MAGI3: variants seen among roughly 807,000 people sequenced by gnomAD.
The protein encoded by MAGI3 is membrane-associated guanylate kinase, WW and PDZ domain-containing protein 3.
MAGI3 carries 43 observed loss-of-function variants against 121.8 expected under a neutral mutation model. The ratio of observed to expected loss-of-function variants is 0.35; its 90% confidence interval spans 0.28 to 0.46. The LOEUF (loss-of-function observed/expected upper bound fraction) is 0.46. MAGI3 is among the 20% of genes least tolerant of loss of function. The pLI is 1.00. For missense variants in MAGI3, 1,547 were observed against 1,797.3 expected (o/e 0.86, Z 2.52); for synonymous variants, 553 against 639.3 (o/e 0.86, Z 2.04).
At chr1:113,447,056 A>G (rs902915203) in intron 1 of MAGI3, among the ~76,000 whole-genome samples, 2 of 152,188 alleles carry the variant, frequency 1.3e-5, no homozygotes, top group Non-Finnish European at 2.9e-5. Flanking sequence ...TGGTGTAATA[A>G]AAATGTTTTG....
At chr1:113,538,041 A>G (rs1424885690) in intron 1 of MAGI3, among the ~76,000 whole-genome samples, 2 of 152,244 alleles carry the variant, frequency 1.3e-5, no homozygotes, top group Non-Finnish European at 2.9e-5. Context: ...GGGTCAGTAT[A>G]TATTTTTAAA....
At chr1:113,481,306 G>A (rs766859799) in intron 1 of MAGI3, among the ~76,000 whole-genome samples, 15 of 152,214 alleles carry the variant, frequency 9.9e-5, no homozygotes, top group Non-Finnish European at 1.8e-4. Flanking sequence ...AGTTAGGTCC[G>A]CCTTTGTAGT....
chr1:113,517,307 A>G (rs1484864957), intron 1 of MAGI3, among the ~76,000 whole-genome samples: 1 of 151,946 alleles, frequency 6.6e-6, no homozygotes, highest in African/African-American at 2.4e-5. Flanking sequence ...TAAATCTAAA[A>G]CTTTTCTAAA....
chr1:113,509,136 T>C (rs2101607690), intron 1 of MAGI3, among the ~76,000 whole-genome samples: 1 of 152,266 alleles, frequency 6.6e-6, no homozygotes, highest in South Asian at 2.1e-4. Flanking sequence ...TTGTTGTTCT[T>C]AAATTACCAT....
At chr1:113,409,983 A>G (rs1651891560) in intron 1 of MAGI3, among the ~76,000 whole-genome samples, 1 of 152,122 alleles carries the variant, frequency 6.6e-6, no homozygotes, top group African/African-American at 2.4e-5. Context: ...TGCCTAATGT[A>G]AATGATTCTG....
chr1:113,457,198 A>G (rs1654802621), intron 1 of MAGI3, among the ~76,000 whole-genome samples: 1 of 152,196 alleles, frequency 6.6e-6, no homozygotes, highest in Non-Finnish European at 1.5e-5. Context: ...GTTCTGAGTC[A>G]TATTTCTTTT....
chr1:113,629,756 CTCTCT>C (rs1651488832), intron 9 of MAGI3, among the ~76,000 whole-genome samples: 1 of 97,288 alleles, frequency 1.0e-5, no homozygotes, highest in East Asian at 3.7e-4. Context: ...CTCTCTCTCT[CTCTCT>C]CCCTCCCTCC....
intron 9 of MAGI3, 116 bp from the exon 10 acceptor site, chr1:113,641,795 T>C (rs1241967145): frequency 1.1e-6 from 1 of 871,966 alleles, no homozygotes; most frequent in South Asian, 1.9e-5. Flanking sequence ...CAGCAGTTAA[T>C]AGAGGTTTCC....
intron 1 of MAGI3, among the ~76,000 whole-genome samples, chr1:113,436,909 G>A (rs984798614): frequency 1.3e-5 from 2 of 149,068 alleles, no homozygotes; most frequent in African/African-American, 4.9e-5. Context: ...CTGCCTCCCA[G>A]GTTCAGGCAA....
chr1:113,431,504 G>A (rs1308707585), intron 1 of MAGI3, among the ~76,000 whole-genome samples: 1 of 152,044 alleles, frequency 6.6e-6, no homozygotes, highest in African/African-American at 2.4e-5. Flanking sequence ...AAAGTCCAAG[G>A]AGTCTACAGA....
intron 1 of MAGI3, among the ~76,000 whole-genome samples, chr1:113,483,689 T>C (rs995281774): frequency 6.6e-6 from 1 of 152,228 alleles, no homozygotes; most frequent in Non-Finnish European, 1.5e-5. Context: ...TGTTTAGATC[T>C]AAAAGATCTA....
intron 1 of MAGI3, among the ~76,000 whole-genome samples, chr1:113,448,639 A>T (rs1654301294): frequency 6.6e-6 from 1 of 151,980 alleles, no homozygotes; most frequent in African/African-American, 2.4e-5. Context: ...TAAAGCAATG[A>T]TTTATGGTAT....
chr1:113,513,915 C>G (rs1657749828), intron 1 of MAGI3, among the ~76,000 whole-genome samples: 1 of 151,976 alleles, frequency 6.6e-6, no homozygotes, highest in Non-Finnish European at 1.5e-5. Flanking sequence ...CTACAATGAA[C>G]TCAAACAAAT....
intron 1 of MAGI3, among the ~76,000 whole-genome samples, chr1:113,503,556 C>A (rs1374295098): frequency 6.6e-6 from 1 of 151,958 alleles, no homozygotes; most frequent in African/African-American, 2.4e-5. Context: ...CATATATGCA[C>A]ATACATTATA....
At chr1:113,547,138 C>T (rs1404548073) in intron 1 of MAGI3, among the ~76,000 whole-genome samples, 1 of 149,550 alleles carries the variant, frequency 6.7e-6, no homozygotes. Context: ...CCTTAAGAGA[C>T]CCATTATGCT....
chr1:113,625,623 G>C (rs1651193447), intron 9 of MAGI3, among the ~76,000 whole-genome samples: 2 of 151,932 alleles, frequency 1.3e-5, no homozygotes, highest in African/African-American at 4.8e-5. Context: ...CCAAATATAA[G>C]ATCCCATCAT....
intron 1 of MAGI3, among the ~76,000 whole-genome samples, chr1:113,395,238 A>G (rs1193092292): frequency 6.6e-6 from 1 of 151,158 alleles, no homozygotes; most frequent in African/African-American, 2.4e-5. Flanking sequence ...ATTTCTTCGT[A>G]CCTTTTTTAA....
rs576593873 is a variant in MAGI3, at chr1:113,397,956, G to A, written c.316+6607G>A. ...AAAAATATATTTTCATCTTAATCCC[G>A]CCTTCCCTTTTGTTACAGCCACAGC... is the stretch of plus-strand genomic sequence containing the variant. On this transcript the variant is annotated intron_variant, in intron 1 of 20. Coordinates refer to ENST00000307546, the MANE Select transcript of MAGI3 (RefSeq NM_001142782.2). Among the ~76,000 whole-genome samples the A allele has an allele frequency of 3.3e-5, 5 of 152,184 alleles. No homozygotes were observed. The East Asian group carries it at 5.8e-4, about 18-fold the overall frequency.
At position 113,422,579 on chromosome 1, in the gene MAGI3, C is replaced by T. The variant is rs540768983; in HGVS notation, c.316+31230C>T. Among the ~76,000 whole-genome samples, 21 of 152,324 alleles carry T rather than the reference C, an allele frequency of 1.4e-4. No homozygotes were observed. Among genetic ancestry groups the T allele is most frequent in the Admixed American group, 3.3e-4 (5 of 15,304 alleles). ...TGCCAGCTGCTGCGGGGCAGGGTGG[C>T]GGGGCAGGCAGCTCCCGGCGCTGGC... is the stretch of plus-strand genomic sequence containing the variant. On this transcript the variant is annotated intron_variant, in intron 1 of 20. Coordinates refer to ENST00000307546, the MANE Select transcript of MAGI3 (RefSeq NM_001142782.2). The surrounding 1 kb of genome is among the most constrained non-coding windows in gnomAD (Gnocchi z 4.3).
Sources: allele counts gnomAD v4.1 joint callset (sites outside exome capture counted in the v4.1 genomes callset), GRCh38; gene constraint gnomAD v4.1.1; non-coding constraint Gnocchi (gnomAD v3.1); transcripts MANE v1.5; gene names NCBI Gene and HGNC (gene_info 2026-07-23, HGNC 2026-07-21).